Variants in USP37 observed in about 807,000 individuals in gnomAD.
The protein encoded by USP37 is ubiquitin specific peptidase 37.
A neutral mutation model predicts 124.0 loss-of-function variants in USP37; 27 were observed. The ratio of observed to expected loss-of-function variants is 0.22; its 90% CI spans 0.16 to 0.30. The LOEUF (loss-of-function observed/expected upper bound fraction) is 0.30, where lower values mean the gene tolerates loss of function less well. USP37 is among the 10% of genes least tolerant of loss of function. USP37 has a pLI of 1.00. For synonymous variants in USP37, 365 were observed against 388.0 expected, an observed-to-expected ratio of 0.94 and a Z score of 0.70; for missense variants, 889 against 1,140.4, an observed-to-expected ratio of 0.78 and a Z score of 3.17.
chr2:218,462,866 T>C (rs1479875390), intron 22 of USP37, among the ~76,000 whole-genome samples: 4 of 152,056 alleles, frequency 2.6e-5, no homozygotes, highest in Non-Finnish European at 5.9e-5. Flanking sequence ...TTTCTTTACC[T>C]GGGAGGTATT....
intron 16 of USP37, among the ~76,000 whole-genome samples, chr2:218,484,691 G>A (rs1401420162): frequency 6.6e-6 from 1 of 150,784 alleles, no homozygotes; most frequent in East Asian, 1.9e-4. Flanking sequence ...CTAGAAAGGA[G>A]TAGATTATGA....
chr2:218,538,576 C>T (rs1274922740), intron 8 of USP37, among the ~76,000 whole-genome samples: 2 of 152,172 alleles, frequency 1.3e-5, no homozygotes, highest in Admixed American at 6.5e-5. Context: ...CCATGAATAA[C>T]GTAACAGCCA....
intron 14 of USP37, among the ~76,000 whole-genome samples, chr2:218,489,744 C>T (rs34400615): frequency 1.3e-5 from 2 of 152,116 alleles, no homozygotes; most frequent in Non-Finnish European, 2.9e-5. Context: ...TCCCAAAATG[C>T]TGGGATTACA....
chr2:218,468,591 A>G (rs1249064016), intron 20 of USP37, among the ~76,000 whole-genome samples: 1 of 152,166 alleles, frequency 6.6e-6, no homozygotes, highest in African/African-American at 2.4e-5. Context: ...CCTCCTCATC[A>G]AGAAGTATTT....
At chr2:218,545,638 G>A (rs1692277882) in intron 8 of USP37, among the ~76,000 whole-genome samples, 1 of 151,738 alleles carries the variant, frequency 6.6e-6, no homozygotes, top group Admixed American at 6.6e-5. Context: ...TATTAATTGA[G>A]ATTTTAACTG....
intron 10 of USP37, among the ~76,000 whole-genome samples, chr2:218,520,068 G>A (rs1690518400): frequency 1.3e-5 from 2 of 151,658 alleles, no homozygotes; most frequent in Admixed American, 6.6e-5. Flanking sequence ...CTCCTGAGTA[G>A]CTGCGATTAC....
At chr2:218,516,892 T>G (rs1347636086) in intron 10 of USP37, among the ~76,000 whole-genome samples, 1 of 152,174 alleles carries the variant, frequency 6.6e-6, no homozygotes, top group Non-Finnish European at 1.5e-5. Context: ...ATATAAAACC[T>G]TGAGTTCATA....
At chr2:218,495,722 G>C (rs1559185389) in intron 14 of USP37, 38 bp downstream of exon 14, 2 of 1,555,356 alleles carry the variant, frequency 1.3e-6, no homozygotes, top group East Asian at 4.5e-5. Context: ...TTGCCATAAA[G>C]AAGTAAAAAG....
At chr2:218,558,189 G>GTATGTTAAGATAATTTT (rs1693128563) in intron 4 of USP37, among the ~76,000 whole-genome samples, 1 of 152,014 alleles carries the variant, frequency 6.6e-6, no homozygotes, top group South Asian at 2.1e-4. Context: ...GGAAAAAAAG[G>GTATGTTAAGATAATTTT]AAGAACTAAA....
intron 18 of USP37, among the ~76,000 whole-genome samples, chr2:218,477,844 A>G (rs1691058430): frequency 6.6e-6 from 1 of 152,234 alleles, no homozygotes; most frequent in South Asian, 2.1e-4. Context: ...TTTAAAAGAT[A>G]AATCGTTAAA....
chr2:218,476,771 AAAGAC>A, intron 19 of USP37, 64 bp downstream of exon 19: 1 of 1,472,264 alleles, frequency 6.8e-7, no homozygotes, highest in Non-Finnish European at 9.0e-7. Context: ...GATGGTTATG[AAAGAC>A]ATTTGTTTGG....
chr2:218,533,723 T>C (rs1691465090), intron 9 of USP37, among the ~76,000 whole-genome samples: 1 of 152,336 alleles, frequency 6.6e-6, no homozygotes, highest in Non-Finnish European at 1.5e-5. Flanking sequence ...CCTAGGGTCC[T>C]GATCAACTGG....
intron 23 of USP37, among the ~76,000 whole-genome samples, chr2:218,458,914 C>A (rs1689851759): frequency 6.6e-6 from 1 of 151,810 alleles, no homozygotes; most frequent in South Asian, 2.1e-4. Context: ...AACAAAAAAG[C>A]AAATGAAATA....
chr2:218,474,480 G>A (rs1690854791), intron 20 of USP37, 150 bp downstream of exon 20: 1 of 1,164,258 alleles, frequency 8.6e-7, no homozygotes, highest in African/African-American at 1.5e-5. Context: ...TCCTGCCTCA[G>A]CCTCCCGAGT....
chr2:218,480,101 G>A (rs976387778), intron 17 of USP37, among the ~76,000 whole-genome samples: 19 of 150,342 alleles, frequency 1.3e-4, no homozygotes, highest in African/African-American at 3.4e-4. Flanking sequence ...AGTGGTGATC[G>A]CACCACTGCA....
At chr2:218,508,235 A>G (rs1228902986) in intron 11 of USP37, among the ~76,000 whole-genome samples, 1 of 149,134 alleles carries the variant, frequency 6.7e-6, no homozygotes, top group Non-Finnish European at 1.5e-5. Context: ...GGCAGTCTCC[A>G]TTACCCTTTA....
At chr2:218,528,774 T>G (rs2106023297) in intron 10 of USP37, 1 of 371,682 alleles carries the variant, frequency 2.7e-6, no homozygotes, top group Admixed American at 5.8e-5. Flanking sequence ...GCTTAGCAGG[T>G]ATCTTATGTA....
Position 218,459,898 on chromosome 2 carries a change from G to A in USP37, c.2535C>T (p.Asn845=), listed in dbSNP as rs1262668709. ...RATELSLQEF[N]NSFVDALGSD... is the part of the protein sequence containing the mutation. ...AACCCAATGCATCCACAAAGGAGTTGTTAAACTCTGAAGAATACAAAGACA... is the reference window on the plus strand; with the variant it reads ...AACCCAATGCATCCACAAAGGAGTTATTAAACTCTGAAGAATACAAAGACA... The change falls in exon 23 of 26, where the codon AAC becomes AAT. Residue 845 remains asparagine, a synonymous_variant. Transcript: ENST00000258399. 6.2e-7 allele frequency: 1 copy of A among 1,611,440 alleles called. No individual in the cohort carries two copies. Among genetic ancestry groups the A allele is most frequent in the Non-Finnish European group, 8.5e-7 (1 of 1,178,350 alleles).
intron 10 of USP37, among the ~76,000 whole-genome samples, chr2:218,526,934 G>A (rs1691006429): frequency 6.6e-6 from 1 of 151,482 alleles, no homozygotes; most frequent in East Asian, 2.0e-4. Flanking sequence ...GACTACAGGC[G>A]CCCGCCACCA....
Sources: gnomAD v4.1 joint callset for allele counts (sites outside exome capture counted in the v4.1 genomes callset) on GRCh38, gnomAD v4.1.1 for gene constraint, MANE v1.5 for transcripts, NCBI Gene and HGNC (gene_info 2026-07-23, HGNC 2026-07-21) for gene names.